Variants in B3GALT1 observed in about 807,000 individuals in gnomAD.
B3GALT1 encodes UDP-Gal:betaGlcNAc beta 1,3-galactosyltransferase, polypeptide 1.
Under a neutral mutation model 23.2 loss-of-function variants are expected in B3GALT1, and 10 were observed. The ratio of observed to expected loss-of-function variants is 0.43; its 90% CI spans 0.27 to 0.73. The LOEUF (loss-of-function observed/expected upper bound fraction) is 0.73, where lower values mean the gene tolerates loss of function less well. Ranked by LOEUF, B3GALT1 falls within the 30% of genes least tolerant of loss-of-function variation. The pLI is 0.21. For synonymous variants in B3GALT1, 156 were observed against 141.5 expected, an observed-to-expected ratio of 1.10 and a Z score of -0.73; for missense variants, 299 against 405.4, an observed-to-expected ratio of 0.74 and a Z score of 2.25.
At chr2:167,397,846 A>G (rs1274919393) in intron 1 of B3GALT1, among the ~76,000 whole-genome samples, 1 of 152,092 alleles carries the variant, frequency 6.6e-6, no homozygotes, top group East Asian at 1.9e-4. Flanking sequence ...TTCTGTCTCC[A>G]CCATTCCCAG....
chr2:167,672,837 A>G (rs1331341725), intron 3 of B3GALT1, among the ~76,000 whole-genome samples: 1 of 152,090 alleles, frequency 6.6e-6, no homozygotes, highest in Non-Finnish European at 1.5e-5. Flanking sequence ...AGGGACTCAG[A>G]TTGTCCAATT....
At chr2:167,603,531 G>A (rs1488575452) in intron 2 of B3GALT1, among the ~76,000 whole-genome samples, 3 of 152,216 alleles carry the variant, frequency 2.0e-5, no homozygotes, top group Admixed American at 2.0e-4. Context: ...ACTATAGAAT[G>A]TAAAGATGAG....
chr2:167,841,858 G>A (rs1422683050), intron 4 of B3GALT1, among the ~76,000 whole-genome samples: 1 of 152,176 alleles, frequency 6.6e-6, no homozygotes, highest in African/African-American at 2.4e-5. Context: ...AGGAAATAAT[G>A]ATAGAAAGAC....
In B3GALT1 at chr2:167,869,485, AC is replaced by A; in HGVS notation, c.448del (p.His150IlefsTer8). 1 of 1,614,032 alleles carries A rather than the reference AC, an allele frequency of 6.2e-7. No homozygotes were observed. Among genetic ancestry groups the A allele is most frequent in the Non-Finnish European group, 8.5e-7 (1 of 1,179,996 alleles). On this transcript the variant is annotated frameshift_variant, in exon 5 of 5. Coordinates refer to ENST00000392690, the MANE Select transcript of B3GALT1 (RefSeq NM_020981.4). LOFTEE classifies it high-confidence loss of function. This position sits in a 1 kb window ranked among gnomAD's most constrained non-coding sequence, Gnocchi z 6.4. ...DIIVEDFIDS[Y>X]HNLTLKTLMG... is the part of the protein sequence containing the mutation. ...ATCGTGGAGGACTTTATTGACTCCTACCATAACCTTACCCTCAAAACATTAA... is the reference window on the plus strand; with the variant it reads ...ATCGTGGAGGACTTTATTGACTCCTACATAACCTTACCCTCAAAACATTAA...
rs1423396910 is a variant in B3GALT1 at position 167,664,323 on chromosome 2, C to A, written c.-352+17357C>A. Among the ~76,000 whole-genome samples the A allele has an allele frequency of 2.6e-5, 4 of 151,430 alleles. 1 individual carries two copies. The highest frequency in any genetic ancestry group is 4.9e-5 in the African/African-American group (2 of 40,750). ...TCTGTTCTGTTCCATTGATCTCTATCTCTGTTTTGGTACCAGTACCATGCT... is the reference window on the plus strand; with the variant it reads ...TCTGTTCTGTTCCATTGATCTCTATATCTGTTTTGGTACCAGTACCATGCT... On this transcript the variant is annotated intron_variant, in intron 3 of 4. Coordinates refer to ENST00000392690, the MANE Select transcript of B3GALT1 (RefSeq NM_020981.4).
chr2:167,843,592 G>C (rs1435916049), intron 4 of B3GALT1, among the ~76,000 whole-genome samples: 1 of 152,184 alleles, frequency 6.6e-6, no homozygotes, highest in Admixed American at 6.5e-5. Context: ...CAAGCTCTGA[G>C]ATAAATAACC....
intron 1 of B3GALT1, among the ~76,000 whole-genome samples, chr2:167,442,118 G>C (rs187462349): frequency 0.016 from 2,435 of 151,138 alleles, 68 homozygotes; most frequent in African/African-American, 0.057. Context: ...CTATGAGTGA[G>C]AATATGCACT....
chr2:167,405,284 T>C (rs1350610449), intron 1 of B3GALT1, among the ~76,000 whole-genome samples: 3 of 152,130 alleles, frequency 2.0e-5, no homozygotes, highest in African/African-American at 7.2e-5. Flanking sequence ...TAGTAAATAA[T>C]TACTATCATT....
chr2:167,804,475 C>G (rs1052540813), intron 3 of B3GALT1, among the ~76,000 whole-genome samples: 3 of 152,110 alleles, frequency 2.0e-5, no homozygotes, highest in South Asian at 2.1e-4. Context: ...TATCCCTCCC[C>G]CTTCTGCCCA....
chr2:167,386,248 G>T (rs190679024), intron 1 of B3GALT1, among the ~76,000 whole-genome samples: 3 of 152,090 alleles, frequency 2.0e-5, no homozygotes, highest in East Asian at 3.9e-4. Flanking sequence ...ACCTGAGCAG[G>T]CCTTTTTTTT....
rs144998670 is a variant in B3GALT1 at position 167,768,630 on chromosome 2, C to G, written c.-351-50042C>G. On this transcript the variant is annotated intron_variant, in intron 3 of 4. Coordinates refer to ENST00000392690, the MANE Select transcript of B3GALT1 (RefSeq NM_020981.4). Reference sequence around the variant, plus strand: ...TAAATTAAAATGTCAGATACTCAAACTGACATCTAGAAAAACAAAGGTTAT... The same window carrying G: ...TAAATTAAAATGTCAGATACTCAAAGTGACATCTAGAAAAACAAAGGTTAT... 1.4e-3 allele frequency among the ~76,000 whole-genome samples: 214 copies of G among 152,278 alleles called. 4 individuals carry two copies. The highest frequency in any genetic ancestry group is 1.9e-4 in the Non-Finnish European group (13 of 68,034).
At chr2:167,847,869 A>G (rs1022715123) in intron 4 of B3GALT1, among the ~76,000 whole-genome samples, 1 of 152,206 alleles carries the variant, frequency 6.6e-6, no homozygotes, top group Non-Finnish European at 1.5e-5. Flanking sequence ...AAGAAGAGAG[A>G]AAATCCAGAT....
Position 167,643,980 on chromosome 2 carries a change from G to A in B3GALT1, c.-409-2929G>A, listed in dbSNP as rs117385870. On this transcript the variant is annotated intron_variant, in intron 2 of 4. Transcript: ENST00000392690. ...TCATGTTTAGACAGTGTCAATGTCT[G>A]TAAATTGGGTGGGATTAGCAGTGCA... Among the ~76,000 whole-genome samples, 8 of 152,276 alleles carry A rather than the reference G, an allele frequency of 5.3e-5. No individual in the cohort carries two copies. In the East Asian group the frequency reaches 7.7e-4, roughly 15 times the overall value.
chr2:167,545,283 C>G (rs963894755), intron 2 of B3GALT1, among the ~76,000 whole-genome samples: 2 of 152,026 alleles, frequency 1.3e-5, no homozygotes. Flanking sequence ...GATCCGCCCA[C>G]CTCGGCCTCC....
At chr2:167,810,104 T>C (rs1201661145) in intron 3 of B3GALT1, among the ~76,000 whole-genome samples, 2 of 151,282 alleles carry the variant, frequency 1.3e-5, no homozygotes, top group Non-Finnish European at 2.9e-5. Flanking sequence ...TATAATCTCC[T>C]GGTGTGCGGC....
chr2:167,476,560 T>C (rs1699489410), intron 1 of B3GALT1, among the ~76,000 whole-genome samples: 1 of 152,186 alleles, frequency 6.6e-6, no homozygotes, highest in Non-Finnish European at 1.5e-5. Context: ...CAAGGGGGGA[T>C]ACTGTGGACA....
chr2:167,399,777 C>G (rs747752608), intron 1 of B3GALT1, among the ~76,000 whole-genome samples: 10 of 151,984 alleles, frequency 6.6e-5, no homozygotes, highest in Admixed American at 2.0e-4. Flanking sequence ...CTTCTCTTAA[C>G]TTTACTTCTG....
chr2:167,397,808 A>G (rs998015), intron 1 of B3GALT1, among the ~76,000 whole-genome samples: 140,299 of 152,088 alleles, frequency 0.92, 65,384 homozygotes, highest in Non-Finnish European at 0.99. Context: ...ATCATCATCA[A>G]TTAAAGACAA....
intron 2 of B3GALT1, among the ~76,000 whole-genome samples, chr2:167,507,377 C>A (rs531806653): frequency 6.6e-6 from 1 of 151,292 alleles, no homozygotes; most frequent in Non-Finnish European, 1.5e-5. Flanking sequence ...TGTGGTGGCA[C>A]GCACCTGTAA....
Sources: allele counts gnomAD v4.1 joint callset (sites outside exome capture counted in the v4.1 genomes callset), GRCh38; gene constraint gnomAD v4.1.1; non-coding constraint Gnocchi (gnomAD v3.1); transcripts MANE v1.5; gene names NCBI Gene and HGNC (gene_info 2026-07-23, HGNC 2026-07-21).